PLA2G6: variants seen among roughly 807,000 people sequenced by gnomAD.
PLA2G6 encodes the protein phospholipase A2 group VI.
In PLA2G6, 62 loss-of-function variants were observed where a neutral mutation model predicts 83.8. That is an observed-to-expected ratio of 0.74 (90% CI 0.60 to 0.91). PLA2G6 has a LOEUF of 0.91. PLA2G6 is among the 40% of genes least tolerant of loss of function. The pLI is 0.00. For synonymous variants in PLA2G6, 417 were observed against 449.8 expected, an observed-to-expected ratio of 0.93 and a Z score of 0.92; for missense variants, 944 against 1,102.0, an observed-to-expected ratio of 0.86 and a Z score of 2.03.
intron 2 of PLA2G6, among the ~76,000 whole-genome samples, chr22:38,161,257 G>GCC (rs1322959963): frequency 5.3e-5 from 8 of 152,254 alleles, no homozygotes; most frequent in Admixed American, 5.2e-4. Flanking sequence ...AGGCTAGGAA[G>GCC]TCTATGATCA....
intron 2 of PLA2G6, 180 bp from the exon 3 acceptor site, chr22:38,145,833 A>ACACACACACC (rs1491467180): frequency 4.9e-5 from 29 of 595,196 alleles, no homozygotes; most frequent in Admixed American, 1.0e-4. Flanking sequence ...ACACACACAC[A>ACACACACACC]CCCCTATACA....
chr22:38,129,432 C>T, intron 8 of PLA2G6, 22 bp downstream of exon 8: 1 of 1,519,932 alleles, frequency 6.6e-7, no homozygotes, highest in Non-Finnish European at 9.1e-7. Context: ...CCCACTCCAG[C>T]CCCAGAGTGC....
Position 38,151,274 on chromosome 22 carries a change from C to A in PLA2G6, c.210-5621G>T, listed in dbSNP as rs575381203. ...TCTTTTTTTTTTTTGGAGACATGGT[C>A]TCACTCCTGTCACCCACGCTGGAGT... On this transcript the variant is annotated intron_variant, in intron 2 of 16. Transcript: ENST00000332509. Among the ~76,000 whole-genome samples the A allele has an allele frequency of 2.6e-5, 4 of 150,960 alleles. No homozygotes were observed. In the South Asian group the frequency reaches 8.4e-4, roughly 32 times the overall value.
chr22:38,167,766 G>A (rs1371554053), intron 2 of PLA2G6, among the ~76,000 whole-genome samples: 4 of 152,202 alleles, frequency 2.6e-5, no homozygotes, highest in Admixed American at 2.0e-4. Flanking sequence ...CTGATTGGAT[G>A]GGGCCCTGAT....
At chr22:38,169,972 C>T (rs909848711) in intron 1 of PLA2G6, among the ~76,000 whole-genome samples, 6 of 152,010 alleles carry the variant, frequency 3.9e-5, no homozygotes, top group South Asian at 2.1e-4. Flanking sequence ...CTGAGGCGGG[C>T]GGATCATTTG....
chr22:38,115,449 G>C (rs1011310046), intron 14 of PLA2G6, 78 bp downstream of exon 14: 4 of 1,362,428 alleles, frequency 2.9e-6, no homozygotes, highest in Non-Finnish European at 4.2e-6. Context: ...CCTGGGGGTC[G>C]GTCCCTAGCA....
intron 7 of PLA2G6, chr22:38,131,894 C>T: frequency 3.1e-6 from 1 of 326,678 alleles, no homozygotes; most frequent in Non-Finnish European, 6.0e-6. Context: ...TGAGACCAGC[C>T]TGGCCAACAC....
Position 38,145,452 on chromosome 22 carries a change from GT to G in PLA2G6, c.410del (p.His137ProfsTer77). ...CCCTTGCTCACCTGATGATACGGCT[GT>G]GATGGAAGCACTCGCGGATCCCTAG... ...VELGIRECFH[H>X]SRIISCANCA... On this transcript the variant is annotated frameshift_variant, in exon 3 of 17. Transcript: ENST00000332509. LOFTEE classifies it high-confidence loss of function. 6.2e-7 allele frequency: 1 copy of G among 1,608,372 alleles called. No homozygotes were observed. The highest frequency in any genetic ancestry group is 1.1e-5 in the South Asian group (1 of 89,946).
At chr22:38,171,978 C>T (rs1334043048) in intron 1 of PLA2G6, among the ~76,000 whole-genome samples, 1 of 152,038 alleles carries the variant, frequency 6.6e-6, no homozygotes, top group Non-Finnish European at 1.5e-5. Flanking sequence ...GTTCTTGATA[C>T]ACCATCACCA....
chr22:38,123,019 C>T lies in PLA2G6; in HGVS notation c.1591+76G>A. ...ACTCCTCCACTCTCTTTTTGCAAAG[C>T]CCTGAAGACAAACTCGGCCCCTTGA... On this transcript the variant is annotated intron_variant, in intron 11 of 16. Transcript: ENST00000332509. This position sits in a 1 kb window ranked among gnomAD's most constrained non-coding sequence, Gnocchi z 4.1. The T allele has an allele frequency of 7.2e-7, 1 of 1,395,736 alleles. No individual in the cohort carries two copies. Among genetic ancestry groups the T allele is most frequent in the Non-Finnish European group, 9.8e-7 (1 of 1,018,064 alleles). 86.5% of individuals were successfully genotyped at this position (1,395,736 alleles called of 1,614,324 possible).
chr22:38,127,054 T>C (rs2087903564), intron 9 of PLA2G6: 1 of 1,099,726 alleles, frequency 9.1e-7, no homozygotes, highest in Non-Finnish European at 1.1e-6. Flanking sequence ...GTCCAAGGCC[T>C]GCCTGACGTC....
rs1034522863 is a variant in PLA2G6, at chr22:38,145,634, C to T, written c.229G>A (p.Glu77Lys). 6.2e-7 allele frequency: 1 copy of T among 1,612,574 alleles called. No homozygotes were observed. Among genetic ancestry groups the T allele is most frequent in the African/African-American group, 1.3e-5 (1 of 74,852 alleles). Residue 77 changes from glutamate to lysine, a missense_variant, in exon 3 of 17, where the codon GAG (glutamate) becomes AAG (lysine). Glu to Lys is a moderately conservative substitution (Grantham distance 56). Transcript: ENST00000332509. ...SGFRLFQLEL[E>K]ADALVNFHQY... ...TGGAAATTCACTAGGGCGTCAGCCTCCAACTCCAGCTGGAAGAGTCTGTAG... is the reference window on the plus strand; with the variant it reads ...TGGAAATTCACTAGGGCGTCAGCCTTCAACTCCAGCTGGAAGAGTCTGTAG...
chr22:38,112,768 T>G (rs1010996606), intron 15 of PLA2G6, 191 bp from the exon 16 acceptor site: 3 of 639,542 alleles, frequency 4.7e-6, no homozygotes, highest in Non-Finnish European at 8.5e-6. Context: ...GTCCCAGCTG[T>G]GCAATCAGAG....
chr22:38,122,362 G>A (rs1167631905), intron 11 of PLA2G6, among the ~76,000 whole-genome samples: 4 of 152,146 alleles, frequency 2.6e-5, no homozygotes, highest in African/African-American at 4.8e-5. Flanking sequence ...GGGGGGAGCT[G>A]AGGACCCTGA....
rs1569271650 is a variant in PLA2G6, at chr22:38,140,179, G to C, written c.610-10C>G. 1 of 1,613,774 alleles carries C rather than the reference G, an allele frequency of 6.2e-7. No individual in the cohort carries two copies. The highest frequency in any genetic ancestry group is 2.2e-5 in the East Asian group (1 of 44,872). ...CGTTCCTTCCAAGGAGCTGATGAAA[G>C]AGGAAGGGAAGTTTGACTCCATAGG... On this transcript the variant is annotated splice_polypyrimidine_tract_variant and intron_variant, in intron 4 of 16. Transcript: ENST00000332509.
At chr22:38,168,328 G>A (rs1412261880) in intron 2 of PLA2G6, among the ~76,000 whole-genome samples, 1 of 152,222 alleles carries the variant, frequency 6.6e-6, no homozygotes, top group African/African-American at 2.4e-5. Context: ...AGCCCAACTA[G>A]ATGCCAGTCT....
Position 38,167,145 on chromosome 22 carries a change from G to C in PLA2G6, c.209+2073C>G, listed in dbSNP as rs181436172. Among the ~76,000 whole-genome samples, 244 of 149,814 alleles carry C rather than the reference G, an allele frequency of 1.6e-3. 2 individuals carry two copies. The highest frequency in any genetic ancestry group is 5.7e-3 in the African/African-American group (232 of 40,500). The stretch of plus-strand genomic sequence containing the variant: ...TGGGAGGCTGAGGCAGGAGAATGGC[G>C]TGAACCTGGGAGGCGGAGCTTGCAG... On this transcript the variant is annotated intron_variant, in intron 2 of 16. Transcript: ENST00000332509.
intron 12 of PLA2G6, among the ~76,000 whole-genome samples, chr22:38,116,717 T>G (rs1478643706): frequency 1.3e-5 from 2 of 151,704 alleles, no homozygotes; most frequent in Non-Finnish European, 1.5e-5. Flanking sequence ...TAGGTGTGGT[T>G]GCGCATGCCT....
intron 12 of PLA2G6, among the ~76,000 whole-genome samples, chr22:38,118,627 G>A (rs950692113): frequency 6.6e-6 from 1 of 151,932 alleles, no homozygotes; most frequent in Non-Finnish European, 1.5e-5. Context: ...CCACTCTGTG[G>A]CTTGTCTTTT....
Sources: gnomAD v4.1 joint callset for allele counts (sites outside exome capture counted in the v4.1 genomes callset) on GRCh38, gnomAD v4.1.1 for gene constraint, Gnocchi (gnomAD v3.1) non-coding constraint, MANE v1.5 for transcripts, NCBI Gene and HGNC (gene_info 2026-07-23, HGNC 2026-07-21) for gene names.